CNTN5: variants seen among roughly 807,000 people sequenced by gnomAD.
CNTN5 encodes contactin-5.
CNTN5 carries 77 observed loss-of-function variants against 129.1 expected under a neutral mutation model. That is an observed-to-expected ratio of 0.60 (90% CI 0.50 to 0.72). The LOEUF is 0.72. Among genes scored for constraint, CNTN5 ranks in the 30% least tolerant of loss-of-function variants. The probability of loss-of-function intolerance (pLI) is 0.00; values close to 1 mark genes in which losing one functional copy is unlikely to be tolerated. For synonymous variants in CNTN5, 509 were observed against 465.6 expected (o/e 1.09, Z -1.20); for missense variants, 1,478 against 1,328.8 (o/e 1.11, Z -1.75).
At chr11:99,087,264 A>G (rs1866041723) in intron 1 of CNTN5, among the ~76,000 whole-genome samples, 1 of 152,194 alleles carries the variant, frequency 6.6e-6, no homozygotes, top group Admixed American at 6.5e-5. Flanking sequence ...GCAGAAAATA[A>G]ATGGGAGTCA....
chr11:99,694,814 A>G (rs1402362721), intron 3 of CNTN5, among the ~76,000 whole-genome samples: 2 of 152,030 alleles, frequency 1.3e-5, no homozygotes, highest in African/African-American at 4.8e-5. Context: ...GTAAGTATCT[A>G]ATATATGTTA....
chr11:99,862,421 A>G (rs368626604), intron 6 of CNTN5, among the ~76,000 whole-genome samples: 6 of 151,982 alleles, frequency 3.9e-5, no homozygotes, highest in Non-Finnish European at 5.9e-5. Context: ...CTATATAACT[A>G]TAAAACAGAA....
At chr11:100,072,832 G>A (rs1245069462) in intron 12 of CNTN5, among the ~76,000 whole-genome samples, 1 of 151,872 alleles carries the variant, frequency 6.6e-6, no homozygotes, top group Non-Finnish European at 1.5e-5. Flanking sequence ...ACAATCAAAT[G>A]TTAATGAACT....
At chr11:99,772,452 G>A (rs1199075853) in intron 3 of CNTN5, among the ~76,000 whole-genome samples, 1 of 151,990 alleles carries the variant, frequency 6.6e-6, no homozygotes, top group Admixed American at 6.6e-5. Context: ...TCTTGGATTT[G>A]CTCCTGACAT....
intron 1 of CNTN5, among the ~76,000 whole-genome samples, chr11:99,069,548 A>C (rs1313141001): frequency 1.3e-5 from 2 of 152,128 alleles, no homozygotes; most frequent in Admixed American, 6.6e-5. Context: ...TGTGATTATT[A>C]GTTTATAGGT....
rs11220118 is a variant in CNTN5, at chr11:99,479,753, A to C, written c.-70-76392A>C. On this transcript the variant is annotated intron_variant, in intron 2 of 24. Coordinates refer to ENST00000524871, the MANE Select transcript of CNTN5 (RefSeq NM_014361.4). ...TCTACTTAATTAAATTTAAAAAACA[A>C]AATTTTATTAATTTTCACCTCCAGC... 1.6e-3 allele frequency among the ~76,000 whole-genome samples: 247 copies of C among 152,250 alleles called. 4 individuals carry two copies. The highest frequency in any genetic ancestry group is 0.014 in the East Asian group (71 of 5,190).
chr11:99,247,456 A>T (rs892348653), intron 1 of CNTN5, among the ~76,000 whole-genome samples: 1 of 147,490 alleles, frequency 6.8e-6, no homozygotes, highest in Admixed American at 6.7e-5. Context: ...CATTTCTTTT[A>T]TTATTATTAT....
At chr11:99,571,375 A>C (rs960166104) in intron 3 of CNTN5, among the ~76,000 whole-genome samples, 4 of 152,182 alleles carry the variant, frequency 2.6e-5, no homozygotes, top group Non-Finnish European at 5.9e-5. Context: ...TATTGCTGTC[A>C]TGCTAACAAT....
intron 1 of CNTN5, among the ~76,000 whole-genome samples, chr11:99,174,598 T>A (rs1274851659): frequency 6.6e-6 from 1 of 152,122 alleles, no homozygotes. Context: ...TTTCTCATAT[T>A]GGCAACAGTG....
At chr11:99,878,790 G>A (rs564841583) in intron 6 of CNTN5, among the ~76,000 whole-genome samples, 1 of 152,134 alleles carries the variant, frequency 6.6e-6, no homozygotes. Context: ...CGGAGGCAGA[G>A]GTTGCAGTGA....
At chr11:99,611,112 GC>G (rs975036830) in intron 3 of CNTN5, among the ~76,000 whole-genome samples, 6 of 152,056 alleles carry the variant, frequency 3.9e-5, no homozygotes, top group African/African-American at 1.4e-4. Context: ...TTTTCAAGGT[GC>G]CAACAAAGAC....
chr11:99,804,589 T>A (rs1436876452), intron 3 of CNTN5, among the ~76,000 whole-genome samples: 1 of 151,562 alleles, frequency 6.6e-6, no homozygotes, highest in African/African-American at 2.4e-5. Context: ...TTTATAATCT[T>A]ATAAATACCT....
chr11:100,275,354 G>A (rs1950487192), intron 18 of CNTN5, among the ~76,000 whole-genome samples: 1 of 152,196 alleles, frequency 6.6e-6, no homozygotes, highest in South Asian at 2.1e-4. Flanking sequence ...TGTACTCACT[G>A]TGCAGCTACT....
chr11:99,052,845 C>T (rs1864481974), intron 1 of CNTN5, among the ~76,000 whole-genome samples: 1 of 151,796 alleles, frequency 6.6e-6, no homozygotes, highest in Non-Finnish European at 1.5e-5. Flanking sequence ...TAGTCTCAGA[C>T]TTTTTCAATC....
At chr11:100,037,934 G>C (rs1041496750) in intron 9 of CNTN5, among the ~76,000 whole-genome samples, 6 of 152,026 alleles carry the variant, frequency 3.9e-5, no homozygotes, top group African/African-American at 1.4e-4. Flanking sequence ...TGGATTCATT[G>C]ATTTTTTGAA....
chr11:99,433,964 C>T (rs890303087), intron 2 of CNTN5, among the ~76,000 whole-genome samples: 6 of 151,910 alleles, frequency 3.9e-5, no homozygotes, highest in South Asian at 2.1e-4. Context: ...TTTGAGAAAG[C>T]GGAAAAGCAG....
At chr11:99,848,762 T>A (rs114214320) in intron 6 of CNTN5, among the ~76,000 whole-genome samples, 1 of 152,280 alleles carries the variant, frequency 6.6e-6, no homozygotes, top group South Asian at 2.1e-4. Context: ...CTTTTTAGAT[T>A]ATTTTTATGC....
intron 3 of CNTN5, among the ~76,000 whole-genome samples, chr11:99,559,916 T>C (rs1307502386): frequency 1.3e-5 from 2 of 152,174 alleles, no homozygotes; most frequent in African/African-American, 2.4e-5. Context: ...ATGGATTCTA[T>C]ATACAAATGG....
chr11:99,578,069 A>G (rs1190434724), intron 3 of CNTN5, among the ~76,000 whole-genome samples: 2 of 148,578 alleles, frequency 1.3e-5, no homozygotes, highest in Non-Finnish European at 3.0e-5. Flanking sequence ...ATGAGTGAGA[A>G]CATGCGGTGT....
Sources: gnomAD v4.1 joint callset for allele counts (sites outside exome capture counted in the v4.1 genomes callset) on GRCh38, gnomAD v4.1.1 for gene constraint, MANE v1.5 for transcripts, NCBI Gene and HGNC (gene_info 2026-07-23, HGNC 2026-07-21) for gene names.